RANBP17: variants seen among roughly 807,000 people sequenced by gnomAD.
RANBP17 encodes the protein RAN binding protein 17.
In RANBP17, 158 loss-of-function variants were observed where a neutral mutation model predicts 141.2. That is an observed-to-expected ratio of 1.12 (90% CI 0.98 to 1.28). RANBP17 has a LOEUF of 1.28. Among genes scored for constraint, RANBP17 ranks in the 50% most tolerant of loss-of-function variants. The pLI is 0.00. For synonymous variants in RANBP17, 430 were observed against 450.0 expected, an observed-to-expected ratio of 0.96 and a Z score of 0.56; for missense variants, 1,438 against 1,290.7, an observed-to-expected ratio of 1.11 and a Z score of -1.75.
At chr5:171,014,281 AT>A (rs1780280451) in intron 14 of RANBP17, among the ~76,000 whole-genome samples, 1 of 151,856 alleles carries the variant, frequency 6.6e-6, no homozygotes, top group South Asian at 2.1e-4. Flanking sequence ...CTAGATGAAA[AT>A]CTCTACCTTT....
intron 12 of RANBP17, among the ~76,000 whole-genome samples, chr5:170,926,468 T>C (rs990089993): frequency 2.2e-5 from 2 of 92,286 alleles, no homozygotes; most frequent in Non-Finnish European, 5.5e-5. Flanking sequence ...TATGTGCATC[T>C]CTTTTGTTCA....
intron 14 of RANBP17, among the ~76,000 whole-genome samples, chr5:171,063,087 TC>T (rs1784019422): frequency 6.6e-6 from 1 of 152,146 alleles, no homozygotes; most frequent in Non-Finnish European, 1.5e-5. Flanking sequence ...GTTTTTAACT[TC>T]TTTGCCTTTG....
intron 14 of RANBP17, among the ~76,000 whole-genome samples, chr5:170,979,660 A>G (rs564334086): frequency 6.6e-6 from 1 of 152,342 alleles, no homozygotes; most frequent in South Asian, 2.1e-4. Context: ...GCCTGCTGCC[A>G]TCCATGTAAG....
intron 25 of RANBP17, among the ~76,000 whole-genome samples, chr5:171,275,828 C>CAAAAT (rs2128031314): frequency 6.6e-6 from 1 of 151,822 alleles, no homozygotes; most frequent in African/African-American, 2.4e-5. Context: ...ACCCCTCACA[C>CAAAAT]AAAATAACAT....
At chr5:170,895,271 A>G (rs1430696999) in intron 4 of RANBP17, among the ~76,000 whole-genome samples, 2 of 152,242 alleles carry the variant, frequency 1.3e-5, no homozygotes, top group Non-Finnish European at 2.9e-5. Context: ...TGAAAAGTGT[A>G]TCTATCTTCT....
chr5:170,862,043 C>A lies in RANBP17; in HGVS notation c.10C>A (p.His4Asn). 2.7e-6 allele frequency: 4 copies of A among 1,463,548 alleles called. No homozygotes were observed. Among genetic ancestry groups the A allele is most frequent in the Non-Finnish European group, 3.6e-6 (4 of 1,114,790 alleles). 90.7% of individuals were successfully genotyped at this position (1,463,548 alleles called of 1,614,324 possible). Residue 4 changes from histidine to asparagine, a missense_variant, in exon 1 of 28, where the codon CAC becomes AAC. His to Asn is a moderately conservative substitution (Grantham distance 68, BLOSUM62 1). Transcript: ENST00000523189. MAL[H>N]FQSLAELEVL... ...GCCGCCTCCTGGGAAGATGGCGCTG[C>A]ACTTCCAGGTCAGTGTGCTCTGCGC... is the stretch of plus-strand genomic sequence containing the variant.
chr5:170,983,465 T>A (rs1777911107), intron 14 of RANBP17, among the ~76,000 whole-genome samples: 1 of 152,172 alleles, frequency 6.6e-6, no homozygotes, highest in South Asian at 2.1e-4. Context: ...TGGAACTTAG[T>A]TATGAATGAT....
intron 14 of RANBP17, among the ~76,000 whole-genome samples, chr5:171,017,235 G>A (rs1780502801): frequency 6.6e-6 from 1 of 152,120 alleles, no homozygotes; most frequent in South Asian, 2.1e-4. Flanking sequence ...TGTCTTTATA[G>A]TAGAATGATT....
At chr5:171,019,663 G>T (rs949756181) in intron 14 of RANBP17, among the ~76,000 whole-genome samples, 2 of 151,462 alleles carry the variant, frequency 1.3e-5, no homozygotes, top group Admixed American at 1.3e-4. Flanking sequence ...TTCTTTATTA[G>T]TCTAGCTAGA....
chr5:170,902,183 C>T (rs1770702116), intron 5 of RANBP17, among the ~76,000 whole-genome samples: 1 of 152,160 alleles, frequency 6.6e-6, no homozygotes, highest in African/African-American at 2.4e-5. Context: ...TTGGCCTTTT[C>T]ACATAGTCCC....
At chr5:171,226,587 C>A (rs751952253) in intron 22 of RANBP17, among the ~76,000 whole-genome samples, 3 of 152,068 alleles carry the variant, frequency 2.0e-5, no homozygotes, top group Non-Finnish European at 4.4e-5. Context: ...TCGTCACCAC[C>A]TAGATAATAG....
chr5:171,044,850 A>G (rs1484429281), intron 14 of RANBP17, among the ~76,000 whole-genome samples: 1 of 152,084 alleles, frequency 6.6e-6, no homozygotes, highest in African/African-American at 2.4e-5. Context: ...AGTCTATCCT[A>G]GATTGATATT....
At chr5:171,130,267 C>T (rs1017067619) in intron 14 of RANBP17, among the ~76,000 whole-genome samples, 4 of 152,078 alleles carry the variant, frequency 2.6e-5, no homozygotes. Flanking sequence ...TAAGAAATAT[C>T]ACTCTCTTGG....
chr5:170,942,794 CAG>C (rs936101784), intron 12 of RANBP17, among the ~76,000 whole-genome samples: 5 of 152,086 alleles, frequency 3.3e-5, no homozygotes, highest in African/African-American at 1.2e-4. Flanking sequence ...AAAATGTAAA[CAG>C]ATTCAGTTGG....
chr5:171,218,310 T>C (rs970990976), intron 21 of RANBP17, among the ~76,000 whole-genome samples: 1 of 152,142 alleles, frequency 6.6e-6, no homozygotes, highest in African/African-American at 2.4e-5. Flanking sequence ...TTACTTCCAA[T>C]TATGTGGTCG....
chr5:170,936,430 T>G (rs1773888394), intron 12 of RANBP17, among the ~76,000 whole-genome samples: 1 of 152,208 alleles, frequency 6.6e-6, no homozygotes, highest in Non-Finnish European at 1.5e-5. Context: ...CGCTGTTTTA[T>G]TTTTATTTTC....
chr5:171,066,704 T>G (rs1455186479), intron 14 of RANBP17, among the ~76,000 whole-genome samples: 13 of 152,226 alleles, frequency 8.5e-5, no homozygotes. Context: ...AATTGCTTGA[T>G]CATATGGTAA....
rs1772259933 is a variant in RANBP17, at chr5:170,919,570, G to A, written c.1231G>A (p.Ala411Thr). The A allele has an allele frequency of 6.2e-7, 1 of 1,609,844 alleles. No individual in the cohort carries two copies. The highest frequency in any genetic ancestry group is 8.5e-7 in the Non-Finnish European group (1 of 1,178,540). ...CACTTATGCACCAGAAATCACGAAG[G>A]CCTTTATCACTTCTCGGTTGGACTC... Reference protein sequence around the residue: ...LDTYAPEITKAFITSRLDSVA... With the variant: ...LDTYAPEITKTFITSRLDSVA... Residue 411 changes from alanine to threonine, a missense_variant, in exon 11 of 28, where the codon GCC (alanine) becomes ACC (threonine). Transcript: ENST00000523189.
At chr5:170,927,435 T>G (rs2100295) in intron 12 of RANBP17, among the ~76,000 whole-genome samples, 594 of 151,982 alleles carry the variant, frequency 3.9e-3, no homozygotes, top group African/African-American at 0.012. Context: ...AAAATGGTTT[T>G]TCAGTATAAT....
Sources: allele counts gnomAD v4.1 joint callset (sites outside exome capture counted in the v4.1 genomes callset), GRCh38; gene constraint gnomAD v4.1.1; transcripts MANE v1.5; gene names NCBI Gene and HGNC (gene_info 2026-07-23, HGNC 2026-07-21).